The following SPTBN4 variants were observed in gnomAD, a reference collection of about 807,000 sequenced individuals.
The protein encoded by SPTBN4 is spectrin beta chain, non-erythrocytic 4.
SPTBN4 carries 96 observed loss-of-function variants against 277.8 expected under a neutral mutation model. That is an observed-to-expected ratio of 0.35 (90% CI 0.29 to 0.41). The LOEUF is 0.41. SPTBN4 is among the 10% of genes least tolerant of loss of function. The pLI is 1.00. For missense variants in SPTBN4, 3,006 were observed against 3,595.7 expected, an observed-to-expected ratio of 0.84 and a Z score of 4.19; for synonymous variants, 1,481 against 1,580.3, an observed-to-expected ratio of 0.94 and a Z score of 1.49.
intron 35 of SPTBN4, 150 bp from the exon 36 acceptor site, chr19:40,575,261 C>T (rs1211505777): frequency 3.2e-6 from 3 of 938,530 alleles, no homozygotes; most frequent in South Asian, 1.7e-5. Flanking sequence ...GAGCCTGGCA[C>T]ATATTGCTAT....
At chr19:40,533,789 C>T (rs2080704506) in intron 19 of SPTBN4, among the ~76,000 whole-genome samples, 1 of 152,072 alleles carries the variant, frequency 6.6e-6, no homozygotes, top group Non-Finnish European at 1.5e-5. Flanking sequence ...TCCCTGACTC[C>T]TTCCCATGTC....
At chr19:40,503,506 C>T (rs1444844700) in intron 11 of SPTBN4, among the ~76,000 whole-genome samples, 2 of 149,402 alleles carry the variant, frequency 1.3e-5, no homozygotes, top group Non-Finnish European at 3.0e-5. Context: ...TTGGGCTGGT[C>T]TCCAGGACAA....
chr19:40,566,302 C>T lies in SPTBN4; in HGVS notation c.6279C>T (p.Phe2093=). 2 of 1,594,622 alleles carry T rather than the reference C, an allele frequency of 1.3e-6. No homozygotes were observed. The highest frequency in any genetic ancestry group is 1.7e-6 in the Non-Finnish European group (2 of 1,170,588). Residue 2093 remains phenylalanine (F), a synonymous_variant, in exon 30 of 36, where the codon TTC becomes TTT. Coordinates refer to ENST00000598249, the MANE Select transcript of SPTBN4 (RefSeq NM_020971.3). ...AGCTTATCCGGCGACATGAGGCCTT[C>T]CGCAAAGCGGCTGCAGCCTGGGAAG... ...VEQLIRRHEA[F]RKAAAAWEER...
Position 40,513,093 on chromosome 19 carries a change from G to A in SPTBN4, c.2304G>A (p.Arg768=), listed in dbSNP as rs1450268049. 7.0e-7 allele frequency: 1 copy of A among 1,422,090 alleles called. No individual in the cohort carries two copies. The highest frequency in any genetic ancestry group is 9.1e-7 in the Non-Finnish European group (1 of 1,095,232). The allele number at this position is 1,422,090 out of a possible 1,614,324, so 88.1% of individuals were successfully genotyped here. Residue 768 remains arginine (R), a synonymous_variant, in exon 14 of 36, where the codon CGG becomes CGA. Coordinates refer to ENST00000598249, the MANE Select transcript of SPTBN4 (RefSeq NM_020971.3). ...AGGCGGCGGCGCGGCGAGAGCGGCGGCTGCAGGAGGCGCGGGCGCTGCACC... is the reference window on the plus strand; with the variant it reads ...AGGCGGCGGCGCGGCGAGAGCGGCGACTGCAGGAGGCGCGGGCGCTGCACC... The part of the protein sequence containing the change: ...LEEAAARRER[R]LQEARALHQF...
At chr19:40,572,478 C>A in intron 35 of SPTBN4, 98 bp downstream of exon 35, 2 of 1,456,324 alleles carry the variant, frequency 1.4e-6, no homozygotes, top group South Asian at 1.1e-5. Flanking sequence ...AAGGGACACT[C>A]ACAGGCCAGA....
At chr19:40,484,687 G>A (rs1382162932) in intron 2 of SPTBN4, among the ~76,000 whole-genome samples, 1 of 151,842 alleles carries the variant, frequency 6.6e-6, no homozygotes, top group Non-Finnish European at 1.5e-5. Flanking sequence ...TAGCACTTTG[G>A]GAGGCCAAGG....
At chr19:40,468,570 G>A (rs1488731956) in intron 1 of SPTBN4, among the ~76,000 whole-genome samples, 2 of 152,118 alleles carry the variant, frequency 1.3e-5, no homozygotes, top group African/African-American at 4.8e-5. Flanking sequence ...AGTAAAGACC[G>A]GGTTTTGCCA....
chr19:40,509,017 G>A lies in SPTBN4; in HGVS notation c.1816+2631G>A, dbSNP rs60872470. 7.5e-3 allele frequency among the ~76,000 whole-genome samples: 1,136 copies of A among 151,446 alleles called. 11 individuals are homozygous for A. The highest frequency in any genetic ancestry group is 0.025 in the African/African-American group (1,044 of 41,216). ...CTTGGTTTTGTCCTACTCCATCGTG[G>A]TCAGAGTGGCCCCATCTGATATGAG... is the stretch of plus-strand genomic sequence containing the variant. On this transcript the variant is annotated intron_variant, in intron 13 of 35. Coordinates refer to ENST00000598249, the MANE Select transcript of SPTBN4 (RefSeq NM_020971.3).
At chr19:40,555,917 CA>C (rs5828071) in intron 24 of SPTBN4, among the ~76,000 whole-genome samples, 166 bp from the exon 25 acceptor site, 1 of 148,178 alleles carries the variant, frequency 6.7e-6, no homozygotes, top group African/African-American at 2.5e-5. Flanking sequence ...ACCCTGTCTC[CA>C]AAAAAAAAGA....
rs2080126068 is a variant in SPTBN4, at chr19:40,490,586, T to C, written c.495+338T>C. Among the ~76,000 whole-genome samples, 1 of 152,112 alleles carries C rather than the reference T, an allele frequency of 6.6e-6. No individual in the cohort carries two copies. The highest frequency in any genetic ancestry group is 1.5e-5 in the Non-Finnish European group (1 of 68,010). On this transcript the variant is annotated intron_variant, in intron 4 of 35. Coordinates refer to ENST00000598249, the MANE Select transcript of SPTBN4 (RefSeq NM_020971.3). This position sits in a 1 kb window ranked among gnomAD's most constrained non-coding sequence, Gnocchi z 4.3. Reference sequence around the variant, plus strand: ...TCATCTGCCCAAGATCACATATACCTGGGTGTTGGAGCTGAAATTCGAATC... The same window carrying C: ...TCATCTGCCCAAGATCACATATACCCGGGTGTTGGAGCTGAAATTCGAATC...
At position 40,560,711 on chromosome 19, in the gene SPTBN4, G is replaced by A; in HGVS notation, c.5915+308G>A. 4.3e-6 allele frequency: 6 copies of A among 1,398,258 alleles called. No homozygotes were observed. Among genetic ancestry groups the A allele is most frequent in the Non-Finnish European group, 5.6e-6 (6 of 1,079,158 alleles). The allele number at this position is 1,398,258 out of a possible 1,614,324, so 86.6% of individuals were successfully genotyped here. ...GACAGGATGGGCAAGGGAGGTGTGG[G>A]ACTGTATTTGTGAGGGTGGGTGAAG... On this transcript the variant is annotated intron_variant, in intron 27 of 35. Transcript: ENST00000598249. This position sits in a 1 kb window ranked among gnomAD's most constrained non-coding sequence, Gnocchi z 5.2.
chr19:40,499,639 C>T (rs1046304523), intron 7 of SPTBN4, among the ~76,000 whole-genome samples: 5 of 151,922 alleles, frequency 3.3e-5, no homozygotes, highest in Non-Finnish European at 5.9e-5. Flanking sequence ...TCAAGCGATC[C>T]TCCCACCTTG....
At position 40,512,723 on chromosome 19, in the gene SPTBN4, G is replaced by A; in HGVS notation, c.1934G>A (p.Ser645Asn). 1 of 1,524,018 alleles carries A rather than the reference G, an allele frequency of 6.6e-7. No homozygotes were observed. The highest frequency in any genetic ancestry group is 1.4e-5 in the African/African-American group (1 of 71,016). 94.4% of individuals were successfully genotyped at this position (1,524,018 alleles called of 1,614,324 possible). The change falls in exon 14 of 36, where the codon AGC (serine) becomes AAC (asparagine). Residue 645 changes from serine (S) to asparagine (N), a missense_variant. Around this residue, in one of 5 missense-constraint regions of SPTBN4, gnomAD observed 1,759 missense variants for 2,061.5 expected, o/e 0.85. Transcript: ENST00000598249. ...CGCGCGGAGCTGGAGGCTTCGCGGA[G>A]CCTGTGGGCGCTGCTGCAGGAGCTG... ...RRRAELEASR[S>N]LWALLQELEE...
At chr19:40,561,360 A>ACC (rs1351501647) in intron 27 of SPTBN4, among the ~76,000 whole-genome samples, 7 of 152,176 alleles carry the variant, frequency 4.6e-5, no homozygotes, top group Non-Finnish European at 8.8e-5. Flanking sequence ...AAAAGGACCT[A>ACC]GGGAATCAGG....
In SPTBN4 at chr19:40,512,788, C is replaced by T; in HGVS notation, c.1999C>T (p.Leu667=). 1 of 1,475,282 alleles carries T rather than the reference C, an allele frequency of 6.8e-7. No individual in the cohort carries two copies. Among genetic ancestry groups the T allele is most frequent in the Non-Finnish European group, 8.9e-7 (1 of 1,126,096 alleles). 91.4% of individuals were successfully genotyped at this position (1,475,282 alleles called of 1,614,324 possible). Residue 667 remains leucine (L), a synonymous_variant, in exon 14 of 36, where the codon CTG becomes TTG. Coordinates refer to ENST00000598249, the MANE Select transcript of SPTBN4 (RefSeq NM_020971.3). Reference sequence around the variant, plus strand: ...CTGGGCGCGCGACAAGGAGCGTCTCCTGGAGGCTGCGGGCGGCGGCGGTGC... The same window carrying T: ...CTGGGCGCGCGACAAGGAGCGTCTCTTGGAGGCTGCGGGCGGCGGCGGTGC... The part of the protein sequence containing the change: ...ESWARDKERL[L]EAAGGGGAAG...
Position 40,502,883 on chromosome 19 carries a change from G to A in SPTBN4, c.1312G>A (p.Val438Met), listed in dbSNP as rs764543902. Reference sequence around the variant, plus strand: ...ACTGGCACAGAGGTTTGACCACAAGGTGGCTATGAGGGAGAGCTGGCTGAA... The same window carrying A: ...ACTGGCACAGAGGTTTGACCACAAGATGGCTATGAGGGAGAGCTGGCTGAA... ...ELLAQRFDHK[V>M]AMRESWLNEN... The change falls in exon 11 of 36, where the codon GTG (valine) becomes ATG (methionine). Residue 438 changes from valine to methionine, a missense_variant. Transcript: ENST00000598249. This position sits in a 1 kb window ranked among gnomAD's most constrained non-coding sequence, Gnocchi z 4.9. 6.2e-7 allele frequency: 1 copy of A among 1,613,948 alleles called. No individual in the cohort carries two copies. Among genetic ancestry groups the A allele is most frequent in the Admixed American group, 1.7e-5 (1 of 60,012 alleles).
chr19:40,567,644 C>G lies in SPTBN4; in HGVS notation c.6337-19C>G. 1 of 1,485,040 alleles carries G rather than the reference C, an allele frequency of 6.7e-7. No individual in the cohort carries two copies. The highest frequency in any genetic ancestry group is 1.3e-5 in the South Asian group (1 of 75,154). The allele number at this position is 1,485,040 out of a possible 1,614,324, so 92.0% of individuals were successfully genotyped here. Reference sequence around the variant, plus strand: ...CCGGCCCCACGCCTCCAACCTAACCCTGGTCCCTCCATCCTCAGATCGAGA... The same window carrying G: ...CCGGCCCCACGCCTCCAACCTAACCGTGGTCCCTCCATCCTCAGATCGAGA... On this transcript the variant is annotated intron_variant, in intron 30 of 35. Transcript: ENST00000598249.
chr19:40,565,541 A>G lies in SPTBN4; in HGVS notation c.6034A>G (p.Lys2012Glu), dbSNP rs2081082917. 6.2e-7 allele frequency: 1 copy of G among 1,614,026 alleles called. No homozygotes were observed. The highest frequency in any genetic ancestry group is 8.5e-7 in the Non-Finnish European group (1 of 1,179,946). ...QELGRSLLLN[K>E]SAMADEIQAQ... is the part of the protein sequence containing the mutation. ...GCTGGGGCGATCTCTGCTGCTCAAC[A>G]AAAGTGCCATGGCTGATGAGGTGGG... The change falls in exon 28 of 36, where the codon AAA (lysine) becomes GAA (glutamate). Residue 2012 changes from lysine (K) to glutamate (E), a missense_variant. Coordinates refer to ENST00000598249, the MANE Select transcript of SPTBN4 (RefSeq NM_020971.3).
intron 7 of SPTBN4, among the ~76,000 whole-genome samples, chr19:40,501,202 C>T (rs894833915): frequency 1.3e-4 from 19 of 150,240 alleles, no homozygotes; most frequent in African/African-American, 3.2e-4. Context: ...TGCACCACTG[C>T]ACAATCAGCC....
Sources: allele counts gnomAD v4.1 joint callset (sites outside exome capture counted in the v4.1 genomes callset), GRCh38; gene constraint gnomAD v4.1.1; regional missense constraint gnomAD v4.1.1; non-coding constraint Gnocchi (gnomAD v3.1); transcripts MANE v1.5; gene names NCBI Gene and HGNC (gene_info 2026-07-23, HGNC 2026-07-21).